The following NOL4 variants were observed in gnomAD, a reference collection of about 807,000 sequenced individuals.
NOL4 encodes nucleolar protein 4, also known as cancer/testis antigen 125.
In NOL4, 17 loss-of-function variants were observed where a neutral mutation model predicts 75.9. The observed-to-expected ratio is 0.22, with a 90% CI of 0.15 to 0.34. The LOEUF (loss-of-function observed/expected upper bound fraction) is 0.34. NOL4 is among the 10% of genes least tolerant of loss of function. NOL4 has a pLI of 1.00. For synonymous variants in NOL4, 292 were observed against 289.9 expected (o/e 1.01, Z -0.07); for missense variants, 614 against 793.5 (o/e 0.77, Z 2.72).
intron 5 of NOL4, among the ~76,000 whole-genome samples, chr18:34,028,891 A>T (rs2075487799): frequency 6.6e-6 from 1 of 152,206 alleles, no homozygotes; most frequent in South Asian, 2.1e-4. Context: ...AACTATTTCA[A>T]TATTCCAATT....
chr18:33,930,635 C>A (rs569300679), intron 9 of NOL4, among the ~76,000 whole-genome samples: 2 of 152,140 alleles, frequency 1.3e-5, no homozygotes, highest in African/African-American at 4.8e-5. Context: ...GCTGAGTAAA[C>A]AAAAAGTATA....
chr18:34,096,673 G>A (rs937905651), intron 4 of NOL4, among the ~76,000 whole-genome samples: 1 of 152,058 alleles, frequency 6.6e-6, no homozygotes, highest in African/African-American at 2.4e-5. Flanking sequence ...CATACTGTGT[G>A]AGCTTATTTC....
intron 5 of NOL4, among the ~76,000 whole-genome samples, chr18:34,086,597 T>G (rs2078254641): frequency 6.6e-6 from 1 of 152,198 alleles, no homozygotes; most frequent in Non-Finnish European, 1.5e-5. Flanking sequence ...CACATAGTTC[T>G]TGCTTTTACT....
At chr18:33,990,416 C>G (rs984759024) in intron 6 of NOL4, among the ~76,000 whole-genome samples, 2 of 151,956 alleles carry the variant, frequency 1.3e-5, no homozygotes, top group African/African-American at 4.8e-5. Flanking sequence ...TCTCTTTGTC[C>G]CCTTAATTTT....
chr18:33,889,185 G>A (rs1361149800), intron 9 of NOL4, among the ~76,000 whole-genome samples: 1 of 151,952 alleles, frequency 6.6e-6, no homozygotes, highest in Non-Finnish European at 1.5e-5. Context: ...TGATAAAGGG[G>A]ATATCACCAC....
At chr18:33,885,621 T>A (rs2064591292) in intron 9 of NOL4, among the ~76,000 whole-genome samples, 1 of 152,114 alleles carries the variant, frequency 6.6e-6, no homozygotes, top group Non-Finnish European at 1.5e-5. Context: ...TACAGTGAGG[T>A]ATCATCTCGC....
chr18:33,945,405 C>T (rs2068769523), intron 8 of NOL4, among the ~76,000 whole-genome samples: 1 of 151,226 alleles, frequency 6.6e-6, no homozygotes, highest in African/African-American at 2.4e-5. Flanking sequence ...AGTAAAATAC[C>T]CCTTCAATTA....
intron 6 of NOL4, among the ~76,000 whole-genome samples, chr18:33,998,716 C>A (rs2073471784): frequency 6.6e-6 from 1 of 152,040 alleles, no homozygotes; most frequent in Admixed American, 6.6e-5. Context: ...TTCAGTATGT[C>A]CACGTGACAA....
At position 34,143,862 on chromosome 18, in the gene NOL4, C is replaced by T. The variant is rs998912832; in HGVS notation, c.265-13842G>A. Among the ~76,000 whole-genome samples, 10 of 101,320 alleles carry T rather than the reference C, an allele frequency of 9.9e-5. No individual in the cohort carries two copies. The Admixed American group carries it at 1.0e-3, about 10-fold the overall frequency. The allele number at this position is 101,320 out of a possible 152,430, so 66.5% of individuals were successfully genotyped here. A position where few individuals can be genotyped will look rare whatever the true frequency, so the allele number is the denominator to read the frequency against. Reference sequence around the variant, plus strand: ...CCTGGGCAAAAGAGCAAAACTCCATCTCAAAAAAAAAAAAAAAAAAAAAAC... The same window carrying T: ...CCTGGGCAAAAGAGCAAAACTCCATTTCAAAAAAAAAAAAAAAAAAAAAAC... On this transcript the variant is annotated intron_variant, in intron 1 of 10. Transcript: ENST00000261592.
chr18:34,060,382 C>T (rs2077021977), intron 5 of NOL4, among the ~76,000 whole-genome samples: 1 of 152,250 alleles, frequency 6.6e-6, no homozygotes, highest in African/African-American at 2.4e-5. Context: ...TGGTTGGGAA[C>T]TTAAATCATT....
In NOL4 at chr18:34,223,922, A is replaced by G. The variant is rs1445855548; in HGVS notation, c.-669T>C. 1 of 152,200 alleles carries G rather than the reference A, an allele frequency of 6.6e-6. No individual in the cohort carries two copies. The highest frequency in any genetic ancestry group is 1.5e-5 in the Non-Finnish European group (1 of 68,042). The allele number at this position is 152,200 out of a possible 1,614,324, so 9.4% of individuals were successfully genotyped here. A position where few individuals can be genotyped will look rare whatever the true frequency, so the allele number is the denominator to read the frequency against. ...AAGTTCTTACCTGTCATGTTTTTAAACCTATCAAATTCTGTTTTACAGAAT... is the reference window on the plus strand; with the variant it reads ...AAGTTCTTACCTGTCATGTTTTTAAGCCTATCAAATTCTGTTTTACAGAAT... On this transcript the variant is annotated 5_prime_UTR_variant, in exon 1 of 11. Transcript: ENST00000261592.
intron 4 of NOL4, among the ~76,000 whole-genome samples, chr18:34,100,600 C>A (rs2079002043): frequency 6.6e-6 from 1 of 152,172 alleles, no homozygotes; most frequent in African/African-American, 2.4e-5. Flanking sequence ...ACTCTCCTGC[C>A]TCTCCTAATA....
At chr18:33,923,733 T>C (rs2067169628) in intron 9 of NOL4, among the ~76,000 whole-genome samples, 2 of 152,144 alleles carry the variant, frequency 1.3e-5, no homozygotes, top group African/African-American at 2.4e-5. Context: ...ATAAGATGTA[T>C]AGAGGTATAT....
At chr18:34,202,822 C>G (rs184148742) in intron 1 of NOL4, among the ~76,000 whole-genome samples, 1 of 152,098 alleles carries the variant, frequency 6.6e-6, no homozygotes, top group African/African-American at 2.4e-5. Flanking sequence ...GATAGGGAAA[C>G]TGTACCACAC....
rs957145677 is a variant in NOL4, at chr18:33,957,189, C to A, written c.1428+137G>T. The A allele has an allele frequency of 1.8e-5, 11 of 610,098 alleles. No individual in the cohort carries two copies. The East Asian group carries it at 2.9e-4, about 16-fold the overall frequency. The allele number at this position is 610,098 out of a possible 1,614,324, so 37.8% of individuals were successfully genotyped here. On this transcript the variant is annotated intron_variant, in intron 8 of 10. Coordinates refer to ENST00000261592, the MANE Select transcript of NOL4 (RefSeq NM_003787.5). ...GAAAAGGAGAAGGGGAAAAAACAAA[C>A]GAGCAAACAAAACCCCCTTTGACCT... is the stretch of plus-strand genomic sequence containing the variant.
intron 1 of NOL4, among the ~76,000 whole-genome samples, chr18:34,214,860 T>C (rs1284676137): frequency 1.3e-5 from 2 of 152,176 alleles, no homozygotes; most frequent in Admixed American, 6.5e-5. Context: ...CACATATAAT[T>C]ATAACATGGA....
chr18:33,951,432 T>C (rs2069211633), intron 8 of NOL4, among the ~76,000 whole-genome samples: 1 of 152,168 alleles, frequency 6.6e-6, no homozygotes, highest in Non-Finnish European at 1.5e-5. Context: ...GGTTTTACTA[T>C]AATATCCCTA....
intron 6 of NOL4, among the ~76,000 whole-genome samples, chr18:34,006,463 T>C (rs2074032832): frequency 6.6e-6 from 1 of 152,000 alleles, no homozygotes; most frequent in Non-Finnish European, 1.5e-5. Flanking sequence ...CAGACACCAA[T>C]ACTGAGCCCT....
intron 10 of NOL4, among the ~76,000 whole-genome samples, chr18:33,860,144 A>G (rs985444560): frequency 2.0e-5 from 3 of 152,038 alleles, no homozygotes; most frequent in Admixed American, 6.6e-5. Context: ...AAAACTCACT[A>G]TCATGAGAAA....
Sources: allele counts gnomAD v4.1 joint callset (sites outside exome capture counted in the v4.1 genomes callset), GRCh38; gene constraint gnomAD v4.1.1; transcripts MANE v1.5; gene names NCBI Gene and HGNC (gene_info 2026-07-23, HGNC 2026-07-21).